LARGE1: variants seen among roughly 807,000 people sequenced by gnomAD.
LARGE1 encodes LARGE xylosyl- and glucuronyltransferase 1, also known as xylosyl- and glucuronyltransferase LARGE1.
Under a neutral mutation model 87.6 loss-of-function variants are expected in LARGE1, and 43 were observed. The observed-to-expected ratio is 0.49, with a 90% confidence interval of 0.38 to 0.63. LARGE1 has a LOEUF of 0.63. Among genes scored for constraint, LARGE1 ranks in the 30% least tolerant of loss-of-function variants. The pLI is 0.00. For missense variants in LARGE1, 802 were observed against 1,000.2 expected (o/e 0.80, Z 2.67); for synonymous variants, 434 against 394.6 (o/e 1.10, Z -1.18).
chr22:33,676,348 C>T (rs1183366885), intron 2 of LARGE1, among the ~76,000 whole-genome samples: 1 of 98,096 alleles, frequency 1.0e-5, no homozygotes, highest in Non-Finnish European at 1.8e-5. Context: ...TAAACCTACA[C>T]ATCATATGTT....
the LARGE1 span, among the ~76,000 whole-genome samples, chr22:33,156,721 T>C: frequency 6.6e-6 from 1 of 152,098 alleles, no homozygotes; most frequent in Non-Finnish European, 1.5e-5. Flanking sequence ...GAAGGCATGA[T>C]TGGTTTTGAA....
intron 11 of LARGE1, among the ~76,000 whole-genome samples, chr22:33,178,582 A>G (rs1407133586): frequency 1.3e-5 from 2 of 152,148 alleles, no homozygotes; most frequent in Non-Finnish European, 2.9e-5. Flanking sequence ...TTCAAACTAT[A>G]TTTTTTGGGG....
chr22:33,813,916 G>C (rs968103238), intron 1 of LARGE1, among the ~76,000 whole-genome samples: 1 of 152,156 alleles, frequency 6.6e-6, no homozygotes. Flanking sequence ...ATTATTTACT[G>C]AGTGTTTAAA....
At chr22:33,823,223 C>A (rs902958234) in intron 1 of LARGE1, among the ~76,000 whole-genome samples, 1 of 152,190 alleles carries the variant, frequency 6.6e-6, no homozygotes, top group African/African-American at 2.4e-5. Flanking sequence ...TCAACACAGA[C>A]CATAGCACAT....
intron 6 of LARGE1, among the ~76,000 whole-genome samples, chr22:33,433,819 T>C (rs924404752): frequency 3.3e-5 from 5 of 152,162 alleles, no homozygotes; most frequent in Admixed American, 6.6e-5. Context: ...GTGGTTCTTT[T>C]GGAACACTAT....
At chr22:33,707,228 T>C (rs240088) in intron 2 of LARGE1, among the ~76,000 whole-genome samples, 1,996 of 152,146 alleles carry the variant, frequency 0.013, 42 homozygotes, top group African/African-American at 0.046. Flanking sequence ...ATCTGTCAGG[T>C]GAGAAAGGGA....
intron 3 of LARGE1, among the ~76,000 whole-genome samples, chr22:33,628,878 T>C (rs1432079882): frequency 6.6e-6 from 1 of 152,080 alleles, no homozygotes; most frequent in Non-Finnish European, 1.5e-5. Context: ...GGGATGCTAC[T>C]GGCATCTGTG....
chr22:33,754,656 A>AT (rs1243028431), intron 2 of LARGE1, among the ~76,000 whole-genome samples: 1 of 152,058 alleles, frequency 6.6e-6, no homozygotes, highest in Non-Finnish European at 1.5e-5. Flanking sequence ...TTTTGATCCA[A>AT]TTTTTTAAAA....
chr22:33,316,788 C>T (rs924560568), intron 10 of LARGE1, among the ~76,000 whole-genome samples: 3 of 152,140 alleles, frequency 2.0e-5, no homozygotes, highest in Non-Finnish European at 2.9e-5. Context: ...GCCTTTAACA[C>T]CTGAGAAATG....
At chr22:33,677,643 C>G (rs187115860) in intron 2 of LARGE1, among the ~76,000 whole-genome samples, 3 of 152,314 alleles carry the variant, frequency 2.0e-5, no homozygotes, top group African/African-American at 7.2e-5. Context: ...TTGCAGCATT[C>G]TCTCTTTTCT....
chr22:33,708,835 G>A (rs963694008), intron 2 of LARGE1, among the ~76,000 whole-genome samples: 1 of 152,130 alleles, frequency 6.6e-6, no homozygotes, highest in South Asian at 2.1e-4. Context: ...TCCTGACCTC[G>A]TGATCCGCCC....
At chr22:33,608,816 C>A (rs573484738) in intron 4 of LARGE1, among the ~76,000 whole-genome samples, 1 of 152,106 alleles carries the variant, frequency 6.6e-6, no homozygotes, top group East Asian at 1.9e-4. Flanking sequence ...AAGCAAGTCA[C>A]TTCATCTCTC....
the LARGE1 span, among the ~76,000 whole-genome samples, chr22:33,154,490 G>T: frequency 1.3e-5 from 2 of 152,116 alleles, no homozygotes; most frequent in Non-Finnish European, 2.9e-5. Flanking sequence ...TCTACTTGCT[G>T]CAGCCTCCTA....
chr22:33,248,186 G>T (rs1287124330), intron 11 of LARGE1, among the ~76,000 whole-genome samples: 5 of 151,832 alleles, frequency 3.3e-5, no homozygotes, highest in African/African-American at 1.2e-4. Flanking sequence ...AACACTTGTA[G>T]ACATTTTTTT....
chr22:33,085,783 C>T, the LARGE1 span, among the ~76,000 whole-genome samples: 1 of 152,136 alleles, frequency 6.6e-6, no homozygotes. Context: ...CTTTTCGTTC[C>T]ATGAAACTTC....
intron 10 of LARGE1, among the ~76,000 whole-genome samples, chr22:33,331,382 TTCTTTCTCTCTC>T (rs1019321060): frequency 4.6e-5 from 7 of 151,572 alleles, no homozygotes; most frequent in East Asian, 1.9e-4. Flanking sequence ...TTTCTTTTCT[TTCTTTCTCTCTC>T]TCTTTCTCTT....
At chr22:33,472,141 A>G (rs561485017) in intron 6 of LARGE1, among the ~76,000 whole-genome samples, 4 of 152,274 alleles carry the variant, frequency 2.6e-5, no homozygotes, top group African/African-American at 9.6e-5. Flanking sequence ...TGAGCAGGCA[A>G]TCCTGATTTA....
At chr22:33,462,915 C>T (rs2068438758) in intron 6 of LARGE1, among the ~76,000 whole-genome samples, 1 of 152,188 alleles carries the variant, frequency 6.6e-6, no homozygotes. Flanking sequence ...GGCGATTAAA[C>T]TTTCTAACGT....
intron 12 of LARGE1, among the ~76,000 whole-genome samples, chr22:33,289,894 C>G (rs1984714921): frequency 6.6e-6 from 1 of 152,042 alleles, no homozygotes; most frequent in Non-Finnish European, 1.5e-5. Context: ...ATGGGTAGTT[C>G]GTATCCTCTT....
Sources: allele counts gnomAD v4.1 joint callset (sites outside exome capture counted in the v4.1 genomes callset), GRCh38; gene constraint gnomAD v4.1.1; transcripts MANE v1.5; gene names NCBI Gene and HGNC (gene_info 2026-07-23, HGNC 2026-07-21).